ZBTB25: variants seen among roughly 807,000 people sequenced by gnomAD.
The protein encoded by ZBTB25 is zinc finger and BTB domain-containing protein 25.
Under a neutral mutation model 34.2 loss-of-function variants are expected in ZBTB25, and 20 were observed. The observed-to-expected ratio is 0.58, with a 90% confidence interval of 0.41 to 0.85. The LOEUF (loss-of-function observed/expected upper bound fraction) is 0.85. ZBTB25 is among the 40% of genes least tolerant of loss of function. ZBTB25 has a pLI of 0.00. For synonymous variants in ZBTB25, 175 were observed against 186.4 expected (o/e 0.94, Z 0.50); for missense variants, 437 against 521.8 (o/e 0.84, Z 1.58).
At chr14:64,449,724 G>T in intron 2 of ZBTB25, 1 of 1,408,482 alleles carries the variant, frequency 7.1e-7, no homozygotes, top group East Asian at 2.5e-5. Context: ...CGCAGCTTCA[G>T]CCTTGCGGTT....
chr14:64,474,165 C>G (rs1306815600), downstream of ZBTB25: 69 of 167,020 alleles, frequency 4.1e-4, no homozygotes, highest in Non-Finnish European at 2.9e-5. Flanking sequence ...GGGGAGTACA[C>G]AGAGAGAGCA....
chr14:64,492,117 CAAA>C lies in ZBTB25; in HGVS notation c.-7-1580_-7-1578del, dbSNP rs58321068. ...TGGGTGACAGAGCAAGACCCTATCT[CAAA>C]AAAAAAAAAAAAAAAAAAAGGCAGA... On this transcript the variant is annotated intron_variant, in intron 1 of 2. Transcript: ENST00000608382. Among the ~76,000 whole-genome samples the C allele has an allele frequency of 1.0e-3, 74 of 74,030 alleles. 1 individual carries two copies. Among genetic ancestry groups the C allele is most frequent in the Middle Eastern group, 8.8e-3 (1 of 114 alleles). The allele number at this position is 74,030 out of a possible 152,430, so 48.6% of individuals were successfully genotyped here.
At chr14:64,504,352 T>G (rs1013197727), upstream of ZBTB25, 4 of 144,476 alleles carry the variant, frequency 2.8e-5, no homozygotes, top group African/African-American at 4.9e-5. Flanking sequence ...ACGGCCCAGC[T>G]GCTGGGCCCA....
intron 2 of ZBTB25, chr14:64,458,265 T>G: frequency 6.2e-7 from 1 of 1,613,798 alleles, no homozygotes; most frequent in East Asian, 2.2e-5. Context: ...TGATATTGAT[T>G]TGGACCCTGA....
intron 2 of ZBTB25, chr14:64,467,547 C>T (rs2078624445): frequency 6.6e-6 from 1 of 151,998 alleles, no homozygotes; most frequent in Non-Finnish European, 1.5e-5. Context: ...ATAGCACTTC[C>T]TTGATGGAAC....
At chr14:64,503,342 T>TG (rs1473169643) in intron 1 of ZBTB25, 1 of 985,252 alleles carries the variant, frequency 1.0e-6, no homozygotes, top group Non-Finnish European at 1.2e-6. Flanking sequence ...GGTTTCCTGC[T>TG]GGGGGTCGCA....
At chr14:64,503,467 G>A (rs2079566756) in intron 1 of ZBTB25, 194 bp downstream of exon 1, 1 of 985,334 alleles carries the variant, frequency 1.0e-6, no homozygotes, top group African/African-American at 1.7e-5. Context: ...GGTATTGTCG[G>A]CCCAGCGCTC....
rs1435789126 is a variant in ZBTB25, at chr14:64,486,964, C to G, written c.1267G>C (p.Glu423Gln). 6.2e-7 allele frequency: 1 copy of G among 1,613,804 alleles called. No homozygotes were observed. The highest frequency in any genetic ancestry group is 8.5e-7 in the Non-Finnish European group (1 of 1,179,892). Residue 423 changes from glutamate to glutamine, a missense_variant, in exon 3 of 3, where the codon GAG (glutamate) becomes CAG (glutamine). Glu to Gln is a conservative substitution (Grantham distance 29). Transcript: ENST00000608382. Reference protein sequence around the residue: ...HLDLPCALESELTQENVDTIL... With the variant: ...HLDLPCALESQLTQENVDTIL... ...GTATCCACATTTTCTTGTGTGAGCT[C>G]TGACTCTAAGGCACAAGGCAAGTCT...
intron 2 of ZBTB25, among the ~76,000 whole-genome samples, chr14:64,452,664 AT>A (rs1257168845): frequency 6.6e-6 from 1 of 152,170 alleles, no homozygotes; most frequent in Non-Finnish European, 1.5e-5. Flanking sequence ...GTTTTTTCTA[AT>A]ACCTGGGTGA....
chr14:64,504,958 C>T (rs1398856114), upstream of ZBTB25: 3 of 394,962 alleles, frequency 7.6e-6, no homozygotes, highest in African/African-American at 2.1e-5. Flanking sequence ...TAAGTATTTG[C>T]CAGTTGTGGG....
At chr14:64,475,471 TAAA>T (rs200214821), downstream of ZBTB25, among the ~76,000 whole-genome samples, 76 of 144,432 alleles carry the variant, frequency 5.3e-4, no homozygotes, top group Middle Eastern at 3.6e-3. Context: ...CTTCTTGGTT[TAAA>T]AAAAAAAAAA....
chr14:64,500,068 T>TA (rs562995728), intron 1 of ZBTB25, among the ~76,000 whole-genome samples: 17 of 151,878 alleles, frequency 1.1e-4, no homozygotes, highest in Admixed American at 3.9e-4. Context: ...AATAGACCTT[T>TA]AAAAAAAATC....
rs576855403 is a variant in ZBTB25 at position 64,497,548 on chromosome 14, TAA to T, written c.-8+6111_-8+6112del. Among the ~76,000 whole-genome samples the T allele has an allele frequency of 1.6e-4, 24 of 152,326 alleles. No individual in the cohort carries two copies. In the South Asian group the frequency reaches 4.8e-3, roughly 30 times the overall value. On this transcript the variant is annotated intron_variant, in intron 1 of 2. Transcript: ENST00000608382. Reference sequence around the variant, plus strand: ...AATCAAAATATGAGTGCTACATTTTTAAAAGTTTTATCTGTTATCAAAGTGAT... The same window carrying T: ...AATCAAAATATGAGTGCTACATTTTTAAGTTTTATCTGTTATCAAAGTGAT...
chr14:64,494,499 A>T (rs2079199107), intron 1 of ZBTB25, among the ~76,000 whole-genome samples: 1 of 152,126 alleles, frequency 6.6e-6, no homozygotes, highest in African/African-American at 2.4e-5. Flanking sequence ...CAGGTGTGGT[A>T]GCACATGCCT....
chr14:64,456,914 T>C (rs2078483618), intron 2 of ZBTB25, among the ~76,000 whole-genome samples: 1 of 152,210 alleles, frequency 6.6e-6, no homozygotes, highest in Non-Finnish European at 1.5e-5. Context: ...CTGTCTAGAT[T>C]TGATTTGGAA....
chr14:64,454,208 G>A (rs1463298700), intron 2 of ZBTB25, among the ~76,000 whole-genome samples: 1 of 152,166 alleles, frequency 6.6e-6, no homozygotes, highest in Non-Finnish European at 1.5e-5. Flanking sequence ...TGACTCCTAG[G>A]CTCAAGCGAT....
intron 2 of ZBTB25, among the ~76,000 whole-genome samples, chr14:64,489,748 C>A (rs1204129505): frequency 4.0e-5 from 6 of 151,272 alleles, no homozygotes; most frequent in East Asian, 2.0e-4. Context: ...ATTGGCCAGG[C>A]TGGTCTCGAA....
chr14:64,493,480 C>T (rs932760834), intron 1 of ZBTB25, among the ~76,000 whole-genome samples: 3 of 152,154 alleles, frequency 2.0e-5, no homozygotes, highest in Non-Finnish European at 4.4e-5. Flanking sequence ...ATCATCATCA[C>T]CATCATTAGG....
intron 2 of ZBTB25, among the ~76,000 whole-genome samples, chr14:64,455,966 AAATCCCTTGTGGTAGG>A (rs1401262675): frequency 6.6e-6 from 1 of 152,204 alleles, no homozygotes; most frequent in African/African-American, 2.4e-5. Flanking sequence ...GGATTTGTAG[AAATCCCTTGTGGTAGG>A]AATTTTCCAC....
Sources: allele counts gnomAD v4.1 joint callset (sites outside exome capture counted in the v4.1 genomes callset), GRCh38; gene constraint gnomAD v4.1.1; transcripts MANE v1.5; gene names NCBI Gene and HGNC (gene_info 2026-07-23, HGNC 2026-07-21).